The following SGCZ variants were observed in gnomAD, a reference collection of about 807,000 sequenced individuals.
SGCZ encodes sarcoglycan zeta.
In SGCZ, 40 loss-of-function variants were observed where a neutral mutation model predicts 41.3. The ratio of observed to expected loss-of-function variants is 0.97; its 90% confidence interval spans 0.75 to 1.26. The LOEUF (loss-of-function observed/expected upper bound fraction) is 1.26. SGCZ is among the 50% of genes most tolerant of loss of function. The probability of loss-of-function intolerance (pLI) is 0.00; values close to 1 mark genes in which losing one functional copy is unlikely to be tolerated. For missense variants in SGCZ, 552 were observed against 369.8 expected (o/e 1.49, Z -4.04); for synonymous variants, 206 against 137.5 (o/e 1.50, Z -3.49).
chr8:14,981,226 C>A (rs187452904), intron 1 of SGCZ, among the ~76,000 whole-genome samples: 1 of 152,188 alleles, frequency 6.6e-6, no homozygotes, highest in Non-Finnish European at 1.5e-5. Context: ...TCTCTTCTAA[C>A]AAATCTTGCC....
intron 1 of SGCZ, among the ~76,000 whole-genome samples, chr8:15,126,270 T>C (rs915862167): frequency 6.6e-6 from 1 of 152,206 alleles, no homozygotes; most frequent in African/African-American, 2.4e-5. Flanking sequence ...TAACTACAAG[T>C]AGAAAATTTA....
At chr8:14,623,343 A>T (rs1265273117) in intron 1 of SGCZ, among the ~76,000 whole-genome samples, 1 of 152,190 alleles carries the variant, frequency 6.6e-6, no homozygotes, top group East Asian at 1.9e-4. Context: ...TAGTACTTGA[A>T]TATTTTTGTA....
chr8:14,138,578 T>A (rs1803273594), intron 5 of SGCZ, among the ~76,000 whole-genome samples: 1 of 148,880 alleles, frequency 6.7e-6, no homozygotes, highest in Non-Finnish European at 1.5e-5. Flanking sequence ...CCAACAAAGA[T>A]CAAAAGAGAC....
At chr8:14,680,734 T>C (rs1177187000) in intron 1 of SGCZ, among the ~76,000 whole-genome samples, 2 of 150,244 alleles carry the variant, frequency 1.3e-5, no homozygotes, top group Non-Finnish European at 2.9e-5. Context: ...CTTATAAATA[T>C]ACTACATATA....
intron 1 of SGCZ, among the ~76,000 whole-genome samples, chr8:15,168,712 G>A (rs1265869838): frequency 2.0e-5 from 3 of 152,146 alleles, no homozygotes; most frequent in African/African-American, 7.2e-5. Context: ...CTGAACCCCT[G>A]GGACTCCTTT....
At chr8:14,920,911 A>AT (rs1259677495) in intron 1 of SGCZ, among the ~76,000 whole-genome samples, 5 of 152,156 alleles carry the variant, frequency 3.3e-5, no homozygotes, top group African/African-American at 1.2e-4. Flanking sequence ...TGAAACAATC[A>AT]TTTTCCCAGC....
intron 1 of SGCZ, among the ~76,000 whole-genome samples, chr8:14,981,750 C>T (rs998900045): frequency 6.6e-6 from 1 of 152,176 alleles, no homozygotes; most frequent in Admixed American, 6.5e-5. Context: ...CCGCTTATAG[C>T]CCCAAAGAAC....
At chr8:14,259,346 T>G (rs1178159129) in intron 3 of SGCZ, among the ~76,000 whole-genome samples, 1 of 151,980 alleles carries the variant, frequency 6.6e-6, no homozygotes, top group Non-Finnish European at 1.5e-5. Context: ...TGTCTTTTGT[T>G]GCCATTGCTT....
chr8:14,957,943 TAA>T (rs1277108362), intron 1 of SGCZ, among the ~76,000 whole-genome samples: 2 of 152,016 alleles, frequency 1.3e-5, no homozygotes, highest in Non-Finnish European at 2.9e-5. Context: ...TGTGCAACAC[TAA>T]GAGTGTGAAA....
At chr8:14,294,714 C>G (rs981514042) in intron 3 of SGCZ, among the ~76,000 whole-genome samples, 17 of 151,900 alleles carry the variant, frequency 1.1e-4, no homozygotes, top group Non-Finnish European at 1.5e-4. Context: ...AATGTCAAAA[C>G]TCAATAATAA....
rs1799520649 is a variant in SGCZ, at chr8:14,752,149, AAAAT to A, written c.40-197227_40-197224del. The stretch of plus-strand genomic sequence containing the variant: ...AAAAAAGCCAAAAAAAAAAAAAAAA[AAAAT>A]CATACCCTTCCTCTGGACTTTACAT... On this transcript the variant is annotated intron_variant, in intron 1 of 7. Coordinates refer to ENST00000382080, the MANE Select transcript of SGCZ (RefSeq NM_139167.4). Among the ~76,000 whole-genome samples, 4 of 151,282 alleles carry A rather than the reference AAAAT, an allele frequency of 2.6e-5. No homozygotes were observed. In the South Asian group the frequency reaches 6.2e-4, roughly 24 times the overall value.
At chr8:14,941,147 G>C (rs1251561670) in intron 1 of SGCZ, among the ~76,000 whole-genome samples, 2 of 151,972 alleles carry the variant, frequency 1.3e-5, no homozygotes, top group African/African-American at 2.4e-5. Context: ...CACTCTTCTT[G>C]TTTGTGAAAA....
intron 3 of SGCZ, among the ~76,000 whole-genome samples, chr8:14,298,915 A>G (rs763225480): frequency 9.9e-5 from 15 of 151,994 alleles, no homozygotes; most frequent in Non-Finnish European, 1.5e-4. Flanking sequence ...GATATCTTAT[A>G]GTACTTGACT....
At chr8:14,936,114 C>T (rs1393282560) in intron 1 of SGCZ, among the ~76,000 whole-genome samples, 2 of 151,872 alleles carry the variant, frequency 1.3e-5, no homozygotes, top group Admixed American at 1.3e-4. Flanking sequence ...TCCCCCATCA[C>T]AGATCAAGAT....
At chr8:14,245,831 A>C (rs1000458530) in intron 3 of SGCZ, among the ~76,000 whole-genome samples, 4 of 152,216 alleles carry the variant, frequency 2.6e-5, no homozygotes, top group African/African-American at 4.8e-5. Flanking sequence ...ATGCAGCCAA[A>C]AGACACATGA....
chr8:14,743,375 T>C (rs1444588685), intron 1 of SGCZ, among the ~76,000 whole-genome samples: 2 of 152,090 alleles, frequency 1.3e-5, no homozygotes, highest in Non-Finnish European at 2.9e-5. Flanking sequence ...AAGTTCATGT[T>C]TTGAACAGTT....
Position 14,701,651 on chromosome 8 carries a change from CTTCTT to C in SGCZ, c.40-146730_40-146726del, listed in dbSNP as rs529764291. On this transcript the variant is annotated intron_variant, in intron 1 of 7. Coordinates refer to ENST00000382080, the MANE Select transcript of SGCZ (RefSeq NM_139167.4). ...CTTCTCCTTATTCCTGCAGCTTTCTCTTCTTTTCTTACGGCCCAATGTCTTGTTCT... is the reference window on the plus strand; with the variant it reads ...CTTCTCCTTATTCCTGCAGCTTTCTCTTCTTACGGCCCAATGTCTTGTTCT... Among the ~76,000 whole-genome samples the C allele has an allele frequency of 1.9e-3, 287 of 152,046 alleles. 1 individual carries two copies. The highest frequency in any genetic ancestry group is 6.8e-3 in the Middle Eastern group (2 of 294).
intron 1 of SGCZ, among the ~76,000 whole-genome samples, chr8:14,937,103 T>C (rs527561411): frequency 2.0e-5 from 3 of 151,930 alleles, no homozygotes; most frequent in East Asian, 3.9e-4. Context: ...TGGCCAAAAG[T>C]TGATTATCTA....
At position 14,633,836 on chromosome 8, in the gene SGCZ, T is replaced by C. The variant is rs57033412; in HGVS notation, c.40-78910A>G. On this transcript the variant is annotated intron_variant, in intron 1 of 7. Transcript: ENST00000382080. Reference sequence around the variant, plus strand: ...GGATGAATTAAGTAGTCCAGTGTTCTGAACATTTATTTAACCTCATAAACA... The same window carrying C: ...GGATGAATTAAGTAGTCCAGTGTTCCGAACATTTATTTAACCTCATAAACA... Among the ~76,000 whole-genome samples the C allele has an allele frequency of 3.2e-4, 49 of 152,062 alleles. No individual in the cohort carries two copies. In the East Asian group the frequency reaches 7.4e-3, roughly 23 times the overall value.
Sources: allele counts gnomAD v4.1 joint callset (sites outside exome capture counted in the v4.1 genomes callset), GRCh38; gene constraint gnomAD v4.1.1; transcripts MANE v1.5; gene names NCBI Gene and HGNC (gene_info 2026-07-23, HGNC 2026-07-21).